MACROD2: variants seen among roughly 807,000 people sequenced by gnomAD.
MACROD2 encodes ADP-ribose glycohydrolase MACROD2.
In MACROD2, 36 loss-of-function variants were observed where a neutral mutation model predicts 70.4. The ratio of observed to expected loss-of-function variants is 0.51; its 90% CI spans 0.39 to 0.68. MACROD2 has a LOEUF of 0.68. Among genes scored for constraint, MACROD2 ranks in the 30% least tolerant of loss-of-function variants. The pLI is 0.00. For missense variants in MACROD2, 496 were observed against 538.4 expected (o/e 0.92, Z 0.78); for synonymous variants, 172 against 178.8 (o/e 0.96, Z 0.30).
chr20:15,245,384 T>C (rs1454346232), intron 6 of MACROD2, among the ~76,000 whole-genome samples: 3 of 152,164 alleles, frequency 2.0e-5, no homozygotes, highest in Non-Finnish European at 4.4e-5. Flanking sequence ...AAAATGTATT[T>C]ATGGTATTTC....
chr20:15,952,652 A>G (rs1218056694), intron 12 of MACROD2, among the ~76,000 whole-genome samples: 1 of 152,144 alleles, frequency 6.6e-6, no homozygotes, highest in Admixed American at 6.6e-5. Context: ...TCCATGGTCA[A>G]AGCCCCTCCC....
In MACROD2 at chr20:14,233,278, C is replaced by T. The variant is rs369738171; in HGVS notation, c.271+147550C>T. On this transcript the variant is annotated intron_variant, in intron 3 of 17. Transcript: ENST00000684519. Reference sequence around the variant, plus strand: ...GCACATCCGCTTGGGAAAATGGTACCGATAGATGTGCTTGATGCAGCGTTG... The same window carrying T: ...GCACATCCGCTTGGGAAAATGGTACTGATAGATGTGCTTGATGCAGCGTTG... 4.6e-5 allele frequency among the ~76,000 whole-genome samples: 7 copies of T among 152,134 alleles called. No individual in the cohort carries two copies. In the East Asian group the frequency reaches 9.7e-4, roughly 21 times the overall value.
chr20:14,763,718 G>A (rs569399656), intron 5 of MACROD2, among the ~76,000 whole-genome samples: 1 of 152,228 alleles, frequency 6.6e-6, no homozygotes, highest in South Asian at 2.1e-4. Flanking sequence ...GAAGGAGCAG[G>A]TTAAAAGGAA....
At chr20:14,657,356 C>G (rs1045911239) in intron 4 of MACROD2, among the ~76,000 whole-genome samples, 17 of 152,092 alleles carry the variant, frequency 1.1e-4, no homozygotes, top group African/African-American at 3.6e-4. Flanking sequence ...CCACTTTAGA[C>G]AAGTAAATAA....
intron 2 of MACROD2, among the ~76,000 whole-genome samples, chr20:14,027,314 C>T (rs1479258830): frequency 1.3e-5 from 2 of 152,010 alleles, no homozygotes; most frequent in African/African-American, 4.8e-5. Flanking sequence ...TCCATCAGGT[C>T]ATTTCTGTTT....
intron 5 of MACROD2, among the ~76,000 whole-genome samples, chr20:14,913,804 T>C (rs1402984137): frequency 6.6e-6 from 1 of 152,188 alleles, no homozygotes; most frequent in African/African-American, 2.4e-5. Flanking sequence ...TGTTTCTTCA[T>C]ATTTATTTTG....
chr20:15,522,426 T>C (rs1459792981), intron 8 of MACROD2, among the ~76,000 whole-genome samples: 2 of 152,224 alleles, frequency 1.3e-5, no homozygotes, highest in Non-Finnish European at 2.9e-5. Context: ...ACCAAATCAC[T>C]AGTAAACCCC....
intron 5 of MACROD2, among the ~76,000 whole-genome samples, chr20:15,193,091 G>C (rs868017249): frequency 6.6e-6 from 1 of 152,142 alleles, no homozygotes; most frequent in Non-Finnish European, 1.5e-5. Context: ...CTGGTCATCA[G>C]CAGGCTCTAG....
intron 10 of MACROD2, among the ~76,000 whole-genome samples, chr20:15,903,459 C>CA (rs2065096325): frequency 6.6e-6 from 1 of 152,110 alleles, no homozygotes; most frequent in Non-Finnish European, 1.5e-5. Context: ...CTGGAGAGGT[C>CA]ACTGGAGGCC....
At chr20:14,052,017 A>G in intron 2 of MACROD2, 1 of 470,190 alleles carries the variant, frequency 2.1e-6, no homozygotes, top group Non-Finnish European at 4.3e-6. Flanking sequence ...AGAAAGTCTT[A>G]CAGGTATTCT....
chr20:15,253,311 CA>C (rs1248900027), intron 6 of MACROD2, among the ~76,000 whole-genome samples: 1 of 152,170 alleles, frequency 6.6e-6, no homozygotes, highest in Non-Finnish European at 1.5e-5. Context: ...CAATGACCCA[CA>C]AGCCTATGAT....
chr20:14,824,539 G>A (rs2072881226), intron 5 of MACROD2, among the ~76,000 whole-genome samples: 1 of 152,064 alleles, frequency 6.6e-6, no homozygotes, highest in African/African-American at 2.4e-5. Context: ...ACACAGCTAT[G>A]AAGTCAGTGC....
intron 5 of MACROD2, among the ~76,000 whole-genome samples, chr20:15,069,481 C>T (rs1294312001): frequency 6.6e-6 from 1 of 152,176 alleles, no homozygotes; most frequent in East Asian, 1.9e-4. Flanking sequence ...CATTTCAGAA[C>T]TCTAGGCTGC....
intron 8 of MACROD2, among the ~76,000 whole-genome samples, chr20:15,736,049 C>G (rs904893238): frequency 1.3e-5 from 2 of 152,186 alleles, no homozygotes; most frequent in African/African-American, 4.8e-5. Flanking sequence ...GCCCTCACAG[C>G]TTCTTACTAA....
rs1454569054 is a variant in MACROD2, at chr20:14,772,170, TC to T, written c.418+87216del. ...TTTCACAGGCCTAAAAATGTACTTT[TC>T]CCCCTCTACCATTTTTTCCCTTATT... On this transcript the variant is annotated intron_variant, in intron 5 of 17. Coordinates refer to ENST00000684519, the MANE Select transcript of MACROD2 (RefSeq NM_001351661.2). 1.3e-5 allele frequency among the ~76,000 whole-genome samples: 2 copies of T among 152,102 alleles called. 1 individual carries two copies. Among genetic ancestry groups the T allele is most frequent in the African/African-American group, 4.8e-5 (2 of 41,396 alleles).
At chr20:15,815,499 T>C (rs973621984) in intron 8 of MACROD2, among the ~76,000 whole-genome samples, 1 of 152,098 alleles carries the variant, frequency 6.6e-6, no homozygotes, top group African/African-American at 2.4e-5. Context: ...GTTAGATGCC[T>C]CCTTTTATCC....
chr20:15,668,922 A>C (rs2049939721), intron 8 of MACROD2, among the ~76,000 whole-genome samples: 2 of 152,180 alleles, frequency 1.3e-5, no homozygotes, highest in South Asian at 4.1e-4. Flanking sequence ...TCATTTTTTA[A>C]TATGCTTACA....
chr20:14,711,593 C>T (rs2071339221), intron 5 of MACROD2, among the ~76,000 whole-genome samples: 1 of 152,084 alleles, frequency 6.6e-6, no homozygotes, highest in African/African-American at 2.4e-5. Context: ...TAATTTATTT[C>T]CTTTACAAAA....
At chr20:14,035,995 AG>A (rs1012159726) in intron 2 of MACROD2, among the ~76,000 whole-genome samples, 2 of 152,070 alleles carry the variant, frequency 1.3e-5, no homozygotes, top group African/African-American at 4.8e-5. Flanking sequence ...ACAAAAAATT[AG>A]CCAGGCGTGG....
Sources: gnomAD v4.1 joint callset for allele counts (sites outside exome capture counted in the v4.1 genomes callset) on GRCh38, gnomAD v4.1.1 for gene constraint, MANE v1.5 for transcripts, NCBI Gene and HGNC (gene_info 2026-07-23, HGNC 2026-07-21) for gene names.